MED27: variants seen among roughly 807,000 people sequenced by gnomAD.
The protein encoded by MED27 is mediator of RNA polymerase II transcription subunit 27.
MED27 carries 30 observed loss-of-function variants against 38.2 expected under a neutral mutation model. The observed-to-expected ratio is 0.79, with a 90% confidence interval of 0.59 to 1.07. The LOEUF (loss-of-function observed/expected upper bound fraction) is 1.07, where lower values mean the gene tolerates loss of function less well. Ranked by LOEUF, MED27 falls within the 50% of genes least tolerant of loss-of-function variation. The probability of loss-of-function intolerance (pLI) is 0.00; values close to 1 mark genes in which losing one functional copy is unlikely to be tolerated. For missense variants in MED27, 289 were observed against 397.5 expected (o/e 0.73, Z 2.32); for synonymous variants, 122 against 153.5 (o/e 0.79, Z 1.52).
In MED27 at chr9:131,872,619, G is replaced by T. The variant is rs538774961; in HGVS notation, c.724-9479C>A. Among the ~76,000 whole-genome samples the T allele has an allele frequency of 6.6e-6, 1 of 151,322 alleles. No individual in the cohort carries two copies. The highest frequency in any genetic ancestry group is 1.5e-5 in the Non-Finnish European group (1 of 68,032). On this transcript the variant is annotated intron_variant, in intron 6 of 7. Transcript: ENST00000292035. The surrounding 1 kb of genome is among the most constrained non-coding windows in gnomAD (Gnocchi z 5.6). ...TAGCTTAGTGGCGAATGGCCTGGGG[G>T]GCCTCTTCCCTGCTGGCCCTCGGTA...
intron 6 of MED27, 22 bp from the exon 7 acceptor site, chr9:131,863,162 G>A (rs1325024466): frequency 6.8e-6 from 11 of 1,608,626 alleles, no homozygotes; most frequent in South Asian, 5.5e-5. Context: ...GGACAAAGAC[G>A]AGTTAGCGGC....
At chr9:131,903,128 A>G (rs894962469) in intron 4 of MED27, among the ~76,000 whole-genome samples, 1 of 152,232 alleles carries the variant, frequency 6.6e-6, no homozygotes, top group African/African-American at 2.4e-5. Flanking sequence ...CATAACCGAC[A>G]TTGGGCAATG....
chr9:131,955,345 C>T (rs566960767), intron 3 of MED27, among the ~76,000 whole-genome samples: 1 of 151,758 alleles, frequency 6.6e-6, no homozygotes, highest in African/African-American at 2.4e-5. Context: ...GATCAAATAT[C>T]TAAGCTTCCA....
intron 4 of MED27, among the ~76,000 whole-genome samples, chr9:131,938,956 G>A (rs1422541827): frequency 7.9e-5 from 12 of 151,940 alleles, no homozygotes; most frequent in Admixed American, 1.3e-4. Flanking sequence ...CTCGTGATCC[G>A]CCCGCCTCAG....
At chr9:131,907,550 C>T (rs1339666590) in intron 4 of MED27, among the ~76,000 whole-genome samples, 3 of 152,152 alleles carry the variant, frequency 2.0e-5, no homozygotes, top group South Asian at 2.1e-4. Context: ...AGTGCAGTGG[C>T]GTGATCTCGG....
In MED27 at chr9:131,887,227, T is replaced by C. The variant is rs555487310; in HGVS notation, c.682-3128A>G. Among the ~76,000 whole-genome samples, 5 of 152,334 alleles carry C rather than the reference T, an allele frequency of 3.3e-5. No individual in the cohort carries two copies. The East Asian group carries it at 9.6e-4, about 29-fold the overall frequency. On this transcript the variant is annotated intron_variant, in intron 5 of 7. Coordinates refer to ENST00000292035, the MANE Select transcript of MED27 (RefSeq NM_004269.4). The stretch of plus-strand genomic sequence containing the variant: ...AAAAAAATCTAGAGAAAAATATGCA[T>C]TGGTTTAATGAAAACATGGCCTCTC...
chr9:131,882,239 G>A (rs1015485353), intron 6 of MED27, among the ~76,000 whole-genome samples: 1 of 152,136 alleles, frequency 6.6e-6, no homozygotes, highest in African/African-American at 2.4e-5. Flanking sequence ...AAGGGGCCCA[G>A]GGGGCACTGT....
At chr9:132,021,501 G>T (rs375516540) in intron 2 of MED27, among the ~76,000 whole-genome samples, 2 of 152,306 alleles carry the variant, frequency 1.3e-5, no homozygotes, top group East Asian at 1.9e-4. Flanking sequence ...AAAGACAGAC[G>T]AGGGTATATA....
At chr9:131,908,053 T>TCCGCCCGGCAG (rs1450399627) in intron 4 of MED27, among the ~76,000 whole-genome samples, 2 of 150,004 alleles carry the variant, frequency 1.3e-5, no homozygotes, top group East Asian at 4.0e-4. Context: ...GAGGAGTCTC[T>TCCGCCCGGCAG]CCGCCCGGCA....
intron 2 of MED27, chr9:132,073,750 A>G (rs1309878911): frequency 4.4e-6 from 6 of 1,368,578 alleles, no homozygotes; most frequent in Non-Finnish European, 5.8e-6. Context: ...TTTCTGTAAT[A>G]AAAAAAAAAT....
At position 131,884,079 on chromosome 9, in the gene MED27, G is replaced by T; in HGVS notation, c.702C>A (p.Ser234=). The change falls in exon 6 of 8, where the codon TCC becomes TCA. Residue 234 remains serine, a synonymous_variant. Transcript: ENST00000292035. ...TTACCTTCTGGAATACTTGATAGTT[G>T]GATTTGGACCATATATCAAGCTGAG... ...EDGKLDIWSK[S]NYQVFQKVTD... 1 of 1,611,106 alleles carries T rather than the reference G, an allele frequency of 6.2e-7. No individual in the cohort carries two copies. Among genetic ancestry groups the T allele is most frequent in the Non-Finnish European group, 8.5e-7 (1 of 1,178,768 alleles).
At chr9:131,992,483 G>A (rs1348911649) in intron 3 of MED27, among the ~76,000 whole-genome samples, 1 of 152,022 alleles carries the variant, frequency 6.6e-6, no homozygotes, top group African/African-American at 2.4e-5. Flanking sequence ...CTGCAACCTC[G>A]ACCTCCTGGG....
At chr9:132,073,506 G>A in intron 2 of MED27, 1 of 1,285,854 alleles carries the variant, frequency 7.8e-7, no homozygotes, top group South Asian at 2.3e-5. Flanking sequence ...CCTTAATAGA[G>A]GACAGAGTCC....
In MED27 at chr9:131,889,267, T is replaced by G. The variant is rs1345955904; in HGVS notation, c.681+4618A>C. ...TTGAAGGTTTCCTTTGATACCACCA[T>G]TTCTTTTCCTCTCTTATGCTCGGAG... On this transcript the variant is annotated intron_variant, in intron 5 of 7. Transcript: ENST00000292035. The surrounding 1 kb of genome is among the most constrained non-coding windows in gnomAD (Gnocchi z 4.2). 3.3e-5 allele frequency among the ~76,000 whole-genome samples: 5 copies of G among 152,246 alleles called. No homozygotes were observed. The highest frequency in any genetic ancestry group is 3.3e-4 in the Admixed American group (5 of 15,292).
chr9:131,871,545 G>GC (rs2131460989), intron 6 of MED27, among the ~76,000 whole-genome samples: 1 of 152,290 alleles, frequency 6.6e-6, no homozygotes. Flanking sequence ...ACCATTCACA[G>GC]CAAGACCCTT....
At chr9:132,023,408 T>C (rs1832757061) in intron 2 of MED27, among the ~76,000 whole-genome samples, 1 of 152,194 alleles carries the variant, frequency 6.6e-6, no homozygotes, top group Admixed American at 6.5e-5. Context: ...TTATGGGTAG[T>C]GTGAAAAAGG....
Position 131,945,629 on chromosome 9 carries a change from T to C in MED27, c.480-6155A>G, listed in dbSNP as rs150639903. On this transcript the variant is annotated intron_variant, in intron 3 of 7. Coordinates refer to ENST00000292035, the MANE Select transcript of MED27 (RefSeq NM_004269.4). Reference sequence around the variant, plus strand: ...GCCCTTGGTAACTACCATTCTACTCTGTACTTCTATGAGTTCAACTTTTTT... The same window carrying C: ...GCCCTTGGTAACTACCATTCTACTCCGTACTTCTATGAGTTCAACTTTTTT... 5.4e-3 allele frequency among the ~76,000 whole-genome samples: 825 copies of C among 152,198 alleles called. 16 individuals carry two copies. Among genetic ancestry groups the C allele is most frequent in the African/African-American group, 0.018 (762 of 41,522 alleles).
chr9:131,926,540 T>C, intron 4 of MED27, among the ~76,000 whole-genome samples: 1 of 152,246 alleles, frequency 6.6e-6, no homozygotes, highest in East Asian at 1.9e-4. Flanking sequence ...AGCTGCTGAA[T>C]TGGAATTTCT....
intron 2 of MED27, among the ~76,000 whole-genome samples, chr9:132,020,091 A>T (rs1832686458): frequency 6.6e-6 from 1 of 152,216 alleles, no homozygotes; most frequent in African/African-American, 2.4e-5. Flanking sequence ...TCTAAATTCC[A>T]GATGCACAGT....
Sources: allele counts gnomAD v4.1 joint callset (sites outside exome capture counted in the v4.1 genomes callset), GRCh38; gene constraint gnomAD v4.1.1; non-coding constraint Gnocchi (gnomAD v3.1); transcripts MANE v1.5; gene names NCBI Gene and HGNC (gene_info 2026-07-23, HGNC 2026-07-21).